COL4A2: variants seen among roughly 807,000 people sequenced by gnomAD.
COL4A2 encodes collagen alpha-2(IV) chain.
A neutral mutation model predicts 200.2 loss-of-function variants in COL4A2; 99 were observed. That is an observed-to-expected ratio of 0.49 (90% CI 0.42 to 0.58). The LOEUF is 0.58. COL4A2 is among the 20% of genes least tolerant of loss of function. The pLI is 0.00. For synonymous variants in COL4A2, 897 were observed against 900.6 expected, an observed-to-expected ratio of 1.00 and a Z score of 0.07; for missense variants, 1,950 against 2,314.1, an observed-to-expected ratio of 0.84 and a Z score of 3.23.
intron 4 of COL4A2, among the ~76,000 whole-genome samples, chr13:110,374,241 CT>C (rs1878141619): frequency 6.6e-6 from 1 of 152,116 alleles, no homozygotes. Flanking sequence ...ATGTAACCCA[CT>C]TTTACAAGGA....
At chr13:110,405,486 C>A (rs948722424) in intron 4 of COL4A2, among the ~76,000 whole-genome samples, 1 of 151,898 alleles carries the variant, frequency 6.6e-6, no homozygotes, top group Non-Finnish European at 1.5e-5. Flanking sequence ...CTCCCAGACC[C>A]GTCTTCTCCA....
chr13:110,317,980 C>T (rs1489886436), intron 3 of COL4A2, among the ~76,000 whole-genome samples: 4 of 152,276 alleles, frequency 2.6e-5, no homozygotes, highest in African/African-American at 7.2e-5. Flanking sequence ...CTTCTCTCAC[C>T]GCCCCGTGTT....
At chr13:110,407,017 C>T (rs527822208) in intron 4 of COL4A2, among the ~76,000 whole-genome samples, 3 of 152,314 alleles carry the variant, frequency 2.0e-5, no homozygotes, top group East Asian at 1.9e-4. Context: ...CAGCCCACCC[C>T]GATCGCCTCC....
At chr13:110,500,773 G>T (rs914591700) in intron 40 of COL4A2, among the ~76,000 whole-genome samples, 1 of 152,238 alleles carries the variant, frequency 6.6e-6, no homozygotes, top group Non-Finnish European at 1.5e-5. Context: ...ACCTTGTTTA[G>T]TGTGGATTGC....
At chr13:110,371,311 G>A (rs1877998812) in intron 4 of COL4A2, among the ~76,000 whole-genome samples, 1 of 152,172 alleles carries the variant, frequency 6.6e-6, no homozygotes, top group Non-Finnish European at 1.5e-5. Context: ...GGATCTTAAA[G>A]TGTACATGAT....
At chr13:110,501,535 C>A in intron 40 of COL4A2, 133 bp from the exon 41 acceptor site, 1 of 834,830 alleles carries the variant, frequency 1.2e-6, no homozygotes, top group Non-Finnish European at 1.9e-6. Flanking sequence ...GTTCCTTGGC[C>A]TGAGGGCACC....
chr13:110,321,921 T>C (rs962108219), intron 3 of COL4A2, among the ~76,000 whole-genome samples: 1 of 152,136 alleles, frequency 6.6e-6, no homozygotes, highest in African/African-American at 2.4e-5. Context: ...GCCCCACCCT[T>C]GACATGTGGG....
At chr13:110,330,442 C>A (rs1875855104) in intron 3 of COL4A2, among the ~76,000 whole-genome samples, 1 of 152,128 alleles carries the variant, frequency 6.6e-6, no homozygotes, top group Non-Finnish European at 1.5e-5. Flanking sequence ...CTCTTCCCAG[C>A]CAGAATGTCA....
At chr13:110,347,545 G>A (rs1353286442) in intron 3 of COL4A2, among the ~76,000 whole-genome samples, 1 of 152,198 alleles carries the variant, frequency 6.6e-6, no homozygotes, top group South Asian at 2.1e-4. Context: ...TCCTACCTGG[G>A]GCCCTGCCTG....
intron 29 of COL4A2, among the ~76,000 whole-genome samples, chr13:110,473,762 A>G (rs376349006): frequency 1.2e-4 from 18 of 152,314 alleles, no homozygotes; most frequent in African/African-American, 4.1e-4. Context: ...ATGGACAGCA[A>G]ATGTTCACAC....
In COL4A2 at chr13:110,473,021, C is replaced by T. The variant is rs749389413; in HGVS notation, c.2296C>T (p.Pro766Ser). Residue 766 changes from proline (P) to serine (S), a missense_variant, in exon 29 of 48, where the codon CCC becomes TCC. Physicochemically the swap from Pro to Ser is moderately conservative, Grantham distance 74. Transcript: ENST00000360467. ...GPIGLPGPDG[P>S]PGERGLPGEV... is the part of the protein sequence containing the mutation. ...CATCGGCCTGCCAGGGCCAGATGGGCCCCCTGGGGAAAGGGGCCTCCCTGG... is the reference window on the plus strand; with the variant it reads ...CATCGGCCTGCCAGGGCCAGATGGGTCCCCTGGGGAAAGGGGCCTCCCTGG... 6.6e-7 allele frequency: 1 copy of T among 1,515,650 alleles called. No homozygotes were observed. Among genetic ancestry groups the T allele is most frequent in the Non-Finnish European group, 8.8e-7 (1 of 1,132,302 alleles). 93.9% of individuals were successfully genotyped at this position (1,515,650 alleles called of 1,614,324 possible).
chr13:110,387,257 A>T (rs976079520), intron 4 of COL4A2, among the ~76,000 whole-genome samples: 7 of 152,020 alleles, frequency 4.6e-5, no homozygotes, highest in Non-Finnish European at 1.0e-4. Context: ...AATAATAATA[A>T]AAAAAAGGAG....
At chr13:110,465,036 A>G (rs1156330100) in intron 24 of COL4A2, among the ~76,000 whole-genome samples, 1 of 152,234 alleles carries the variant, frequency 6.6e-6, no homozygotes, top group African/African-American at 2.4e-5. Flanking sequence ...CCGATGCTAA[A>G]TTATAACAAC....
intron 4 of COL4A2, among the ~76,000 whole-genome samples, chr13:110,385,572 G>A (rs80152547): frequency 0.19 from 1,282 of 6,654 alleles, 71 homozygotes; most frequent in East Asian, 0.33. Context: ...GACCGTGGCT[G>A]CAGTGTGTGG....
chr13:110,340,085 C>T (rs1192686165), intron 3 of COL4A2, among the ~76,000 whole-genome samples: 1 of 152,210 alleles, frequency 6.6e-6, no homozygotes, highest in Admixed American at 6.5e-5. Context: ...GAACCTCTCA[C>T]CCAATGGGCA....
chr13:110,409,616 C>T (rs1038611705), intron 4 of COL4A2, among the ~76,000 whole-genome samples: 14 of 152,304 alleles, frequency 9.2e-5, no homozygotes, highest in East Asian at 5.8e-4. Flanking sequence ...AGGCTGTTTT[C>T]GCCCATGTCA....
At chr13:110,477,968 T>G in intron 29 of COL4A2, 35 bp from the exon 30 acceptor site, 1 of 1,512,940 alleles carries the variant, frequency 6.6e-7, no homozygotes, top group Non-Finnish European at 8.9e-7. Context: ...CAGTCCAGAG[T>G]TGGCCCCCAC....
At chr13:110,347,929 A>G (rs1423831555) in intron 3 of COL4A2, among the ~76,000 whole-genome samples, 1 of 152,244 alleles carries the variant, frequency 6.6e-6, no homozygotes, top group African/African-American at 2.4e-5. Context: ...CCTCCTGGTT[A>G]TGTCTTGCCG....
chr13:110,309,859 C>T (rs553692691), intron 3 of COL4A2, among the ~76,000 whole-genome samples: 12 of 152,266 alleles, frequency 7.9e-5, no homozygotes, highest in East Asian at 5.8e-4. Flanking sequence ...GGCTTGGTGG[C>T]GCTTGCCTGT....
Sources: gnomAD v4.1 joint callset for allele counts (sites outside exome capture counted in the v4.1 genomes callset) on GRCh38, gnomAD v4.1.1 for gene constraint, MANE v1.5 for transcripts, NCBI Gene and HGNC (gene_info 2026-07-23, HGNC 2026-07-21) for gene names.